The following ITPR1 variants were observed in gnomAD, a reference collection of about 807,000 sequenced individuals.
The protein encoded by ITPR1 is inositol 1,4,5-trisphosphate receptor type 1, also known as inositol 1,4,5-trisphosphate-gated calcium channel ITPR1.
A neutral mutation model predicts 318.4 loss-of-function variants in ITPR1; 96 were observed. The ratio of observed to expected loss-of-function variants is 0.30; its 90% CI spans 0.26 to 0.36. The LOEUF (loss-of-function observed/expected upper bound fraction) is 0.36, where lower values mean the gene tolerates loss of function less well. Among genes scored for constraint, ITPR1 ranks in the 10% least tolerant of loss-of-function variants. ITPR1 has a pLI of 1.00. For missense variants in ITPR1, 2,440 were observed against 3,460.2 expected (o/e 0.71, Z 7.40); for synonymous variants, 1,312 against 1,289.9 (o/e 1.02, Z -0.37).
intron 24 of ITPR1, among the ~76,000 whole-genome samples, chr3:4,678,032 CT>C (rs377230880): frequency 1.3e-5 from 2 of 151,312 alleles, no homozygotes; most frequent in East Asian, 1.9e-4. Context: ...TTAGCACCTT[CT>C]TTTTTTTTAT....
At chr3:4,711,516 G>T in intron 38 of ITPR1, 1 of 471,470 alleles carries the variant, frequency 2.1e-6, no homozygotes. Context: ...TCTCTCCATT[G>T]TATGTGGCTG....
chr3:4,753,251 G>A (rs2044684719), intron 44 of ITPR1, among the ~76,000 whole-genome samples: 1 of 152,134 alleles, frequency 6.6e-6, no homozygotes, highest in South Asian at 2.1e-4. Context: ...TCATCAAGTC[G>A]GGGCTGGATG....
At chr3:4,844,697 C>G (rs1404202145) in intron 61 of ITPR1, among the ~76,000 whole-genome samples, 2 of 152,202 alleles carry the variant, frequency 1.3e-5, no homozygotes, top group Non-Finnish European at 2.9e-5. Context: ...AAAGATGTCA[C>G]TCACCTAAGG....
chr3:4,539,533 G>A (rs1035020232), intron 4 of ITPR1, among the ~76,000 whole-genome samples: 1 of 152,066 alleles, frequency 6.6e-6, no homozygotes, highest in African/African-American at 2.4e-5. Flanking sequence ...TTATGGTGGT[G>A]GTTGCATGAA....
rs996497152 is a variant in ITPR1, at chr3:4,513,813, C to T, written c.-16-2663C>T. Among the ~76,000 whole-genome samples, 10 of 152,214 alleles carry T rather than the reference C, an allele frequency of 6.6e-5. No homozygotes were observed. In the East Asian group the frequency reaches 1.4e-3, roughly 21 times the overall value. ...GAATCAGATAGACCTAGGTTGGGTG[C>T]GGTGGCTTTTGGCTGTCATCCCATT... On this transcript the variant is annotated intron_variant, in intron 2 of 61. Transcript: ENST00000649015.
intron 1 of ITPR1, among the ~76,000 whole-genome samples, 159 bp downstream of exon 1, chr3:4,493,764 C>T (rs1408990667): frequency 6.6e-6 from 1 of 152,102 alleles, no homozygotes; most frequent in Non-Finnish European, 1.5e-5. Context: ...GGGGGGAGCT[C>T]ATTTGAAGCT....
chr3:4,733,575 GGATAGT>G (rs1198825105), intron 43 of ITPR1, among the ~76,000 whole-genome samples: 1 of 152,164 alleles, frequency 6.6e-6, no homozygotes, highest in Non-Finnish European at 1.5e-5. Context: ...TTGGCACCCA[GGATAGT>G]GAAAGCTGCC....
At chr3:4,834,865 C>T (rs919907550) in intron 60 of ITPR1, among the ~76,000 whole-genome samples, 2 of 152,176 alleles carry the variant, frequency 1.3e-5, no homozygotes, top group African/African-American at 2.4e-5. Context: ...AATGTTAAGA[C>T]ACATGAATGA....
chr3:4,836,698 T>G, intron 60 of ITPR1, 76 bp from the exon 61 acceptor site: 4 of 1,249,240 alleles, frequency 3.2e-6, no homozygotes, highest in Non-Finnish European at 4.1e-6. Flanking sequence ...CACGGTAAGC[T>G]GGCCTTTCTT....
At position 4,699,886 on chromosome 3, in the gene ITPR1, G is replaced by A; in HGVS notation, c.4481G>A (p.Ser1494Asn). The A allele has an allele frequency of 3.1e-6, 5 of 1,613,774 alleles. No homozygotes were observed. ...LEKYVTEIVMSIVTTFFSSPF... is the reference protein window; with the variant it reads ...LEKYVTEIVMNIVTTFFSSPF... ...AAGTATGTCACCGAAATCGTCATGA[G>A]TATTGTTACTACTTTCTTCAGCTCT... The change falls in exon 35 of 62, where the codon AGT becomes AAT. Residue 1494 changes from serine (S) to asparagine (N), a missense_variant. This residue lies in a region of ITPR1 where 73 missense variants were observed against 59.5 expected (regional missense o/e 1.23). Transcript: ENST00000649015.
intron 16 of ITPR1, 30 bp from the exon 17 acceptor site, chr3:4,665,108 G>A: frequency 6.2e-7 from 1 of 1,613,314 alleles, no homozygotes; most frequent in Non-Finnish European, 8.5e-7. Flanking sequence ...CTAAGTGATT[G>A]CCATTTTTGC....
intron 44 of ITPR1, among the ~76,000 whole-genome samples, chr3:4,738,803 G>A (rs1320555614): frequency 6.6e-6 from 1 of 152,168 alleles, no homozygotes; most frequent in East Asian, 1.9e-4. Context: ...CCATGATGGA[G>A]TTACCGCAGT....
At chr3:4,672,010 A>C (rs570630366) in intron 20 of ITPR1, among the ~76,000 whole-genome samples, 1 of 152,196 alleles carries the variant, frequency 6.6e-6, no homozygotes, top group Admixed American at 6.5e-5. Context: ...GCGTTAATAG[A>C]GATTAATCCA....
At position 4,591,199 on chromosome 3, in the gene ITPR1, T is replaced by A. The variant is rs143658900; in HGVS notation, c.164-36564T>A. On this transcript the variant is annotated intron_variant, in intron 4 of 61. Transcript: ENST00000649015. ...GCTTCAGTGAACATAATTGTGCATG[T>A]GTATTTATGGTAGAATACTTTATAT... Among the ~76,000 whole-genome samples, 3 of 152,330 alleles carry A rather than the reference T, an allele frequency of 2.0e-5. No individual in the cohort carries two copies. The East Asian group carries it at 5.8e-4, about 29-fold the overall frequency.
intron 48 of ITPR1, among the ~76,000 whole-genome samples, chr3:4,778,616 AT>A (rs2046626880): frequency 6.6e-6 from 1 of 152,130 alleles, no homozygotes; most frequent in Non-Finnish European, 1.5e-5. Context: ...TTTAGAGTGA[AT>A]TTTAACAGAT....
chr3:4,825,714 C>T (rs1334833181), intron 60 of ITPR1: 1 of 456,620 alleles, frequency 2.2e-6, no homozygotes, highest in East Asian at 6.9e-5. Context: ...TCACTACCTT[C>T]TGTTTAAAAG....
At chr3:4,575,520 G>T (rs946339352) in intron 4 of ITPR1, among the ~76,000 whole-genome samples, 7 of 152,056 alleles carry the variant, frequency 4.6e-5, no homozygotes, top group African/African-American at 1.7e-4. Context: ...TCTCACTGTT[G>T]GCATGGATAA....
chr3:4,551,254 T>G (rs1455374533), intron 4 of ITPR1, among the ~76,000 whole-genome samples: 2 of 152,168 alleles, frequency 1.3e-5, no homozygotes, highest in African/African-American at 4.8e-5. Flanking sequence ...ATCTGGAGTC[T>G]AGAAGGCAAA....
chr3:4,734,421 A>G (rs2043135652), intron 43 of ITPR1, among the ~76,000 whole-genome samples: 1 of 152,216 alleles, frequency 6.6e-6, no homozygotes, highest in Non-Finnish European at 1.5e-5. Context: ...AAGCAGCATA[A>G]AGGAGGTGAC....
Sources: gnomAD v4.1 joint callset for allele counts (sites outside exome capture counted in the v4.1 genomes callset) on GRCh38, gnomAD v4.1.1 for gene constraint, gnomAD v4.1.1 regional missense constraint, MANE v1.5 for transcripts, NCBI Gene and HGNC (gene_info 2026-07-23, HGNC 2026-07-21) for gene names.